The following NCAPD3 variants were observed in gnomAD, a reference collection of about 807,000 sequenced individuals.
NCAPD3 encodes the protein condensin-2 complex subunit D3.
A neutral mutation model predicts 182.9 loss-of-function variants in NCAPD3; 105 were observed. That is an observed-to-expected ratio of 0.57 (90% CI 0.49 to 0.68). NCAPD3 has a LOEUF of 0.68. Ranked by LOEUF, NCAPD3 falls within the 30% of genes least tolerant of loss-of-function variation. The pLI, the probability that NCAPD3 is intolerant of heterozygous loss-of-function variation, is 0.00. For missense variants in NCAPD3, 1,944 were observed against 1,837.0 expected, an observed-to-expected ratio of 1.06 and a Z score of -1.07; for synonymous variants, 815 against 679.9, an observed-to-expected ratio of 1.20 and a Z score of -3.09.
Position 134,181,066 on chromosome 11 carries a change from C to T in NCAPD3, c.2559+11G>A, listed in dbSNP as rs1486974354. 3.1e-6 allele frequency: 5 copies of T among 1,589,688 alleles called. No individual in the cohort carries two copies. Among genetic ancestry groups the T allele is most frequent in the Non-Finnish European group, 4.3e-6 (5 of 1,158,076 alleles). On this transcript the variant is annotated intron_variant, in intron 20 of 34. Coordinates refer to ENST00000534548, the MANE Select transcript of NCAPD3 (RefSeq NM_015261.3). ...AAGCGAAAAGAATGGTTAGGAAAAG[C>T]AGTCGCTTACCAACAGGTCTTCGTC...
chr11:134,154,638 G>GCCTCGCCCC (rs1565513747), intron 32 of NCAPD3, among the ~76,000 whole-genome samples: 4 of 149,392 alleles, frequency 2.7e-5, no homozygotes, highest in Admixed American at 6.7e-5. Flanking sequence ...GGGTGGTGCT[G>GCCTCGCCCC]TACCCAGTGC....
rs372205205 is a variant in NCAPD3 at position 134,157,003 on chromosome 11, C to T, written c.4252+15G>A. On this transcript the variant is annotated intron_variant, in intron 32 of 34. Transcript: ENST00000534548. ...AGACTGAGGAGAAGCCCACGTGTTC[C>T]GATCAGTTACTCACTCTCGGGGGTG... 2.9e-5 allele frequency: 47 copies of T among 1,600,872 alleles called. No homozygotes were observed. Among genetic ancestry groups the T allele is most frequent in the African/African-American group, 1.2e-4 (9 of 74,274 alleles).
At chr11:134,191,886 C>T (rs964470276) in intron 16 of NCAPD3, among the ~76,000 whole-genome samples, 5 of 152,152 alleles carry the variant, frequency 3.3e-5, no homozygotes, top group African/African-American at 9.7e-5. Flanking sequence ...TTTTATTTTT[C>T]GCCTGCGGAT....
In NCAPD3 at chr11:134,159,872, G is replaced by A. The variant is rs752069870; in HGVS notation, c.3867+20C>T. On this transcript the variant is annotated intron_variant, in intron 29 of 34. Coordinates refer to ENST00000534548, the MANE Select transcript of NCAPD3 (RefSeq NM_015261.3). ...GCAGACTGGACTGTCTGGTCACAGT[G>A]CAGTGGGCCCCACACCTACCTGTGC... 3.1e-6 allele frequency: 5 copies of A among 1,605,264 alleles called. No homozygotes were observed. In the East Asian group the frequency reaches 6.7e-5, roughly 22 times the overall value.
chr11:134,177,328 C>T lies in NCAPD3; in HGVS notation c.2912G>A (p.Arg971His), dbSNP rs769967939. ...VIIVMCDLCI[R>H]YTIMVDKYIP... ...ATACTTGTCCACCATGATGGTGTAG[C>T]GAATGCAGAGATCGCACATTACAAT... Residue 971 changes from arginine (R) to histidine (H), a missense_variant, in exon 23 of 35, where the codon CGC (arginine) becomes CAC (histidine). Around this residue, in one of 3 missense-constraint regions of NCAPD3, gnomAD observed 1,803 missense variants for 1,674.6 expected, o/e 1.08. Transcript: ENST00000534548. 1.4e-5 allele frequency: 23 copies of T among 1,614,184 alleles called. No homozygotes were observed. The highest frequency in any genetic ancestry group is 6.7e-5 in the Admixed American group (4 of 60,026).
chr11:134,185,500 A>C lies in NCAPD3; in HGVS notation c.2072T>G (p.Ile691Ser). The C allele has an allele frequency of 5.6e-6, 9 of 1,605,852 alleles. No homozygotes were observed. The highest frequency in any genetic ancestry group is 7.6e-6 in the Non-Finnish European group (9 of 1,177,164). The change falls in exon 17 of 35, where the codon ATC (isoleucine) becomes AGC (serine). Residue 691 changes from isoleucine to serine, a missense_variant. Coordinates refer to ENST00000534548, the MANE Select transcript of NCAPD3 (RefSeq NM_015261.3). ...TGAGAATTTTTCTTTCTTGGACCAG[A>C]TATGAAAAGCCTTATTTAAATATCG... The part of the protein sequence containing the change: ...LSRYLNKAFH[I>S]WSKKEKFSPT...
intron 32 of NCAPD3, among the ~76,000 whole-genome samples, chr11:134,155,653 G>A (rs1415090581): frequency 6.6e-6 from 1 of 152,160 alleles, no homozygotes; most frequent in Non-Finnish European, 1.5e-5. Context: ...CTCAGGATGA[G>A]CACAACGAAA....
intron 31 of NCAPD3, 85 bp downstream of exon 31, chr11:134,157,843 C>T (rs1402520769): frequency 1.6e-5 from 22 of 1,376,344 alleles, no homozygotes; most frequent in Non-Finnish European, 2.1e-5. Flanking sequence ...GAAAACACAC[C>T]GCTTTGAAAG....
At chr11:134,205,042 A>T in intron 8 of NCAPD3, 71 bp from the exon 9 acceptor site, 1 of 1,139,830 alleles carries the variant, frequency 8.8e-7, no homozygotes, top group Non-Finnish European at 1.3e-6. Context: ...CACTACTCCT[A>T]TATTTAGAAA....
rs765789751 is a variant in NCAPD3, at chr11:134,181,121, C to G, written c.2515G>C (p.Val839Leu). The change falls in exon 20 of 35, where the codon GTT (valine) becomes CTT (leucine). Residue 839 changes from valine (V) to leucine (L), a missense_variant. Val to Leu is a conservative substitution (Grantham distance 32, BLOSUM62 1). Coordinates refer to ENST00000534548, the MANE Select transcript of NCAPD3 (RefSeq NM_015261.3). Reference protein sequence around the residue: ...STCEHRLSNIVLKENGTGNMD... With the variant: ...STCEHRLSNILLKENGTGNMD... Reference sequence around the variant, plus strand: ...TTCCCTGTTCCATTCTCCTTGAGAACGATGTTGGAGAGGCGGTGCTCGCAG... The same window carrying G: ...TTCCCTGTTCCATTCTCCTTGAGAAGGATGTTGGAGAGGCGGTGCTCGCAG... The G allele has an allele frequency of 1.2e-6, 2 of 1,614,106 alleles. No individual in the cohort carries two copies. The highest frequency in any genetic ancestry group is 2.2e-5 in the South Asian group (2 of 91,080).
rs921581901 is a variant in NCAPD3 at position 134,205,088 on chromosome 11, G to C, written c.1017-117C>G. 6 of 709,910 alleles carry C rather than the reference G, an allele frequency of 8.5e-6. No individual in the cohort carries two copies. The Admixed American group carries it at 1.1e-4, about 13-fold the overall frequency. 44.0% of individuals were successfully genotyped at this position (709,910 alleles called of 1,614,324 possible). A position where few individuals can be genotyped will look rare whatever the true frequency, so the allele number is the denominator to read the frequency against. On this transcript the variant is annotated intron_variant, in intron 8 of 34. Coordinates refer to ENST00000534548, the MANE Select transcript of NCAPD3 (RefSeq NM_015261.3). ...TAAAACACTCTACCTCACGCTATAA[G>C]AGTGGTTTCAGTAGAATGAAGAGTG...
At chr11:134,216,578 A>G (rs1448132323) in intron 3 of NCAPD3, among the ~76,000 whole-genome samples, 1 of 152,202 alleles carries the variant, frequency 6.6e-6, no homozygotes, top group Non-Finnish European at 1.5e-5. Flanking sequence ...GTAAAAAGCA[A>G]TGACTCCCCA....
At chr11:134,191,681 T>C (rs1006080343) in intron 16 of NCAPD3, among the ~76,000 whole-genome samples, 1 of 152,186 alleles carries the variant, frequency 6.6e-6, no homozygotes, top group Admixed American at 6.5e-5. Context: ...AGCAGTAGAC[T>C]CTATTATTAG....
chr11:134,168,469 C>T lies in NCAPD3; in HGVS notation c.3373G>A (p.Ala1125Thr), dbSNP rs764759940. 8 of 1,614,034 alleles carry T rather than the reference C, an allele frequency of 5.0e-6. No homozygotes were observed. The Admixed American group carries it at 1.2e-4, about 24-fold the overall frequency. Residue 1125 changes from alanine to threonine, a missense_variant and splice_region_variant, in exon 26 of 35, where the codon GCG becomes ACG. By Grantham distance (58) the Ala-to-Thr change is moderately conservative. Transcript: ENST00000534548. The stretch of plus-strand genomic sequence containing the variant: ...TTTCTCCCACACACACTGGGCTTAC[C>T]CAAAATACTAAGGCAGATTTTGGAA... ...ITSKICLSIL[A>T]CFADGILPLD...
intron 4 of NCAPD3, 189 bp from the exon 5 acceptor site, chr11:134,209,666 T>A (rs1162756306): frequency 1.8e-6 from 1 of 568,982 alleles, no homozygotes; most frequent in African/African-American, 1.9e-5. Flanking sequence ...CTGGACTAGA[T>A]GACCGCTACA....
intron 1 of NCAPD3, chr11:134,223,501 A>T (rs1591871875): frequency 1.4e-6 from 1 of 702,274 alleles, no homozygotes; most frequent in East Asian, 2.7e-5. Context: ...ATGAAGTTCA[A>T]GAAATAAGTC....
intron 16 of NCAPD3, 102 bp from the exon 17 acceptor site, chr11:134,185,628 G>C: frequency 1.1e-6 from 1 of 910,318 alleles, no homozygotes; most frequent in Non-Finnish European, 1.6e-6. Context: ...GCTGCTCCAG[G>C]ACTCAAGTGG....
At chr11:134,163,730 G>A (rs1348672322) in intron 27 of NCAPD3, among the ~76,000 whole-genome samples, 3 of 147,456 alleles carry the variant, frequency 2.0e-5, no homozygotes, top group Non-Finnish European at 3.0e-5. Context: ...AAGTTAGCCA[G>A]GCACAGTGGC....
chr11:134,177,190 G>A (rs1944189348), intron 23 of NCAPD3, 29 bp downstream of exon 23: 1 of 1,521,854 alleles, frequency 6.6e-7, no homozygotes, highest in Non-Finnish European at 9.1e-7. Flanking sequence ...TGGTGAAGGG[G>A]AAAGGACAGA....
Sources: allele counts gnomAD v4.1 joint callset (sites outside exome capture counted in the v4.1 genomes callset), GRCh38; gene constraint gnomAD v4.1.1; regional missense constraint gnomAD v4.1.1; transcripts MANE v1.5; gene names NCBI Gene and HGNC (gene_info 2026-07-23, HGNC 2026-07-21).